Variants in MITF observed in about 807,000 individuals in gnomAD.
MITF encodes the protein melanocyte inducing transcription factor, also known as microphthalmia-associated transcription factor.
In MITF, 17 loss-of-function variants were observed where a neutral mutation model predicts 60.5. The observed-to-expected ratio is 0.28, with a 90% CI of 0.19 to 0.42. The LOEUF (loss-of-function observed/expected upper bound fraction) is 0.42. MITF is among the 10% of genes least tolerant of loss of function. MITF has a pLI of 1.00. For synonymous variants in MITF, 260 were observed against 248.5 expected, an observed-to-expected ratio of 1.05 and a Z score of -0.43; for missense variants, 622 against 683.5, an observed-to-expected ratio of 0.91 and a Z score of 1.00.
intron 2 of MITF, among the ~76,000 whole-genome samples, chr3:69,918,108 AG>A (rs1461263697): frequency 1.3e-5 from 2 of 152,118 alleles, no homozygotes; most frequent in African/African-American, 4.8e-5. Context: ...TCTGTCACCC[AG>A]GCTGGAGTGC....
At position 69,755,292 on chromosome 3, in the gene MITF, C is replaced by T. The variant is rs189570880; in HGVS notation, c.104+15591C>T. ...TCTCGAATTCCTAACTGTCATGTTT[C>T]GGCCTTGGCCATAGTGACTTCCTAC... On this transcript the variant is annotated intron_variant, in intron 1 of 9. Transcript: ENST00000352241. 1.6e-4 allele frequency among the ~76,000 whole-genome samples: 25 copies of T among 152,288 alleles called. No individual in the cohort carries two copies. In the East Asian group the frequency reaches 1.9e-3, roughly 12 times the overall value.
rs969452927 is a variant in MITF at position 69,843,200 on chromosome 3, A to G, written c.105-35934A>G. Among the ~76,000 whole-genome samples, 7 of 152,330 alleles carry G rather than the reference A, an allele frequency of 4.6e-5. No homozygotes were observed. The East Asian group carries it at 1.3e-3, about 29-fold the overall frequency. ...CTATGGATTACAGTGTGAAGAACAG[A>G]TGTTCATTTGTTTCTCTGGATACCC... On this transcript the variant is annotated intron_variant, in intron 1 of 9. Transcript: ENST00000352241.
intron 1 of MITF, among the ~76,000 whole-genome samples, chr3:69,825,720 C>G (rs907760212): frequency 3.3e-5 from 5 of 152,020 alleles, no homozygotes; most frequent in Admixed American, 1.3e-4. Context: ...GAATAAGGTG[C>G]CTTGAGGATT....
intron 7 of MITF, among the ~76,000 whole-genome samples, chr3:69,955,849 A>G (rs1576045880): frequency 1.3e-5 from 2 of 152,182 alleles, no homozygotes; most frequent in Admixed American, 6.5e-5. Flanking sequence ...AAATTGTGAC[A>G]TGAAAAGTAT....
intron 1 of MITF, among the ~76,000 whole-genome samples, chr3:69,740,968 G>T (rs1365280917): frequency 6.6e-6 from 1 of 152,212 alleles, no homozygotes; most frequent in Non-Finnish European, 1.5e-5. Flanking sequence ...GTGCAGCCAG[G>T]TTTATTTCCT....
chr3:69,777,010 G>A lies in MITF; in HGVS notation c.104+37309G>A, dbSNP rs373490907. Among the ~76,000 whole-genome samples the A allele has an allele frequency of 2.6e-5, 4 of 152,066 alleles. No individual in the cohort carries two copies. In the East Asian group the frequency reaches 7.7e-4, roughly 29 times the overall value. On this transcript the variant is annotated intron_variant, in intron 1 of 9. Coordinates refer to ENST00000352241, the MANE Select transcript of MITF (RefSeq NM_001354604.2). ...TACTGTTGGTGTATTTCTATAAATG[G>A]AGCTGTTTCAGCAAATTGAAAAATA...
rs577997590 is a variant in MITF at position 69,967,718 on chromosome 3, A to T, written c.*2470A>T. 4.3e-6 allele frequency: 1 copy of T among 232,760 alleles called. No individual in the cohort carries two copies. The highest frequency in any genetic ancestry group is 2.2e-5 in the African/African-American group (1 of 45,260). 14.4% of individuals were successfully genotyped at this position (232,760 alleles called of 1,614,324 possible). On this transcript the variant is annotated 3_prime_UTR_variant, in exon 10 of 10. Transcript: ENST00000352241. ...TGCAATCTTGGGGGTGGTTTTATTT[A>T]TTTCTTTTTTGCCAAATAGAGTGTG... is the stretch of plus-strand genomic sequence containing the variant.
Position 69,966,790 on chromosome 3 carries a change from A to G in MITF, c.*1542A>G, listed in dbSNP as rs1275608533. 3 of 232,792 alleles carry G rather than the reference A, an allele frequency of 1.3e-5. No homozygotes were observed. Among genetic ancestry groups the G allele is most frequent in the African/African-American group, 2.2e-5 (1 of 45,300 alleles). 14.4% of individuals were successfully genotyped at this position (232,792 alleles called of 1,614,324 possible). The stretch of plus-strand genomic sequence containing the variant: ...TGGAATTTCTCAGTAGCAGCCTACA[A>G]CTGAATAGCAAGTGGCATAAAGCAT... On this transcript the variant is annotated 3_prime_UTR_variant, in exon 10 of 10. Coordinates refer to ENST00000352241, the MANE Select transcript of MITF (RefSeq NM_001354604.2).
intron 1 of MITF, among the ~76,000 whole-genome samples, chr3:69,850,494 A>G (rs894994887): frequency 6.6e-6 from 1 of 151,748 alleles, no homozygotes; most frequent in Non-Finnish European, 1.5e-5. Context: ...ATTAGCTGCT[A>G]TTATTATTAC....
intron 1 of MITF, among the ~76,000 whole-genome samples, chr3:69,758,089 AATAT>A (rs765654648): frequency 7.6e-6 from 1 of 130,786 alleles, no homozygotes; most frequent in Non-Finnish European, 1.6e-5. Flanking sequence ...TATATATATA[AATAT>A]ATATATATAT....
At chr3:69,928,022 T>C (rs1265515324) in intron 2 of MITF, among the ~76,000 whole-genome samples, 1 of 152,276 alleles carries the variant, frequency 6.6e-6, no homozygotes, top group Non-Finnish European at 1.5e-5. Flanking sequence ...AACTATGCTC[T>C]TGTACTGTTA....
At position 69,949,176 on chromosome 3, in the gene MITF, C is replaced by T. The variant is rs2066178403; in HGVS notation, c.880+8C>T. 1.3e-6 allele frequency: 2 copies of T among 1,585,824 alleles called. No homozygotes were observed. The highest frequency in any genetic ancestry group is 1.7e-6 in the Non-Finnish European group (2 of 1,154,430). The stretch of plus-strand genomic sequence containing the variant: ...TAAAAAGGGAGCTCACAGGTAAACA[C>T]CTAGTAAATGTGCCTCTTACTGCAG... On this transcript the variant is annotated splice_region_variant and intron_variant, in intron 6 of 9. Coordinates refer to ENST00000352241, the MANE Select transcript of MITF (RefSeq NM_001354604.2).
At chr3:69,875,081 T>C (rs2064323207) in intron 1 of MITF, among the ~76,000 whole-genome samples, 1 of 152,144 alleles carries the variant, frequency 6.6e-6, no homozygotes, top group Non-Finnish European at 1.5e-5. Context: ...TGCAGCACAT[T>C]AAAATGCTGG....
intron 1 of MITF, among the ~76,000 whole-genome samples, chr3:69,873,764 G>A (rs1022212778): frequency 3.3e-5 from 5 of 152,180 alleles, no homozygotes; most frequent in African/African-American, 1.2e-4. Flanking sequence ...TCATGTTCCA[G>A]CTCTCCTACT....
intron 1 of MITF, among the ~76,000 whole-genome samples, chr3:69,823,827 T>TC (rs1413676078): frequency 6.6e-6 from 1 of 152,194 alleles, no homozygotes; most frequent in African/African-American, 2.4e-5. Context: ...AATCCTGCTC[T>TC]CCTAAGCATA....
intron 1 of MITF, among the ~76,000 whole-genome samples, chr3:69,870,868 G>T (rs932559482): frequency 6.6e-6 from 1 of 152,064 alleles, no homozygotes; most frequent in African/African-American, 2.4e-5. Flanking sequence ...AAAATAGATG[G>T]GTGCTAGGTT....
chr3:69,752,767 A>G (rs1327388161), intron 1 of MITF, among the ~76,000 whole-genome samples: 1 of 152,170 alleles, frequency 6.6e-6, no homozygotes, highest in Non-Finnish European at 1.5e-5. Flanking sequence ...TCCTGTTCTC[A>G]TAATAGTGAG....
intron 1 of MITF, among the ~76,000 whole-genome samples, chr3:69,832,282 A>G (rs62252182): frequency 0.15 from 23,324 of 152,044 alleles, 2,081 homozygotes; most frequent in Non-Finnish European, 0.21. Context: ...ATCTTTCTCT[A>G]TCTCAAGGGA....
chr3:69,846,860 C>A (rs2082173), intron 1 of MITF, among the ~76,000 whole-genome samples: 74,255 of 150,170 alleles, frequency 0.49, 20,041 homozygotes, highest in Non-Finnish European at 0.63. Context: ...TCTCAAAAGC[C>A]GGATCTTAGC....
Sources: allele counts gnomAD v4.1 joint callset (sites outside exome capture counted in the v4.1 genomes callset), GRCh38; gene constraint gnomAD v4.1.1; transcripts MANE v1.5; gene names NCBI Gene and HGNC (gene_info 2026-07-23, HGNC 2026-07-21).